Variants in DPP6 observed in about 807,000 individuals in gnomAD.
DPP6 encodes the protein A-type potassium channel modulatory protein DPP6.
In DPP6, 69 loss-of-function variants were observed where a neutral mutation model predicts 122.6. The ratio of observed to expected loss-of-function variants is 0.56; its 90% CI spans 0.46 to 0.69. The LOEUF is 0.69. Among genes scored for constraint, DPP6 ranks in the 30% least tolerant of loss-of-function variants. The pLI is 0.00. For missense variants in DPP6, 928 were observed against 1,116.9 expected (o/e 0.83, Z 2.41); for synonymous variants, 418 against 433.1 (o/e 0.97, Z 0.43).
At chr7:154,671,710 C>T (rs1838567138) in intron 7 of DPP6, among the ~76,000 whole-genome samples, 1 of 152,174 alleles carries the variant, frequency 6.6e-6, no homozygotes, top group Non-Finnish European at 1.5e-5. Context: ...GAACAACTGA[C>T]CTTCACTCAT....
chr7:154,178,108 G>A (rs746028461), intron 1 of DPP6, among the ~76,000 whole-genome samples: 16 of 152,116 alleles, frequency 1.1e-4, no homozygotes, highest in East Asian at 1.9e-4. Context: ...CAGGGGAGTC[G>A]GTTGTAAGTT....
chr7:153,884,769 C>G (rs1052510289), upstream of DPP6, among the ~76,000 whole-genome samples: 1 of 151,904 alleles, frequency 6.6e-6, no homozygotes, highest in African/African-American at 2.4e-5. Flanking sequence ...CCTCTGAGGT[C>G]AGGAGTTTGG....
chr7:154,727,596 T>A (rs1842125679), intron 7 of DPP6, among the ~76,000 whole-genome samples, 171 bp from the exon 8 acceptor site: 1 of 152,232 alleles, frequency 6.6e-6, no homozygotes, highest in African/African-American at 2.4e-5. Context: ...CTTACAGGTA[T>A]ATTCTGTTCG....
At chr7:154,500,635 T>C (rs541741328) in intron 3 of DPP6, among the ~76,000 whole-genome samples, 1 of 152,278 alleles carries the variant, frequency 6.6e-6, no homozygotes, top group African/African-American at 2.4e-5. Flanking sequence ...GAGACATGCC[T>C]TTTACCTTCC....
intron 7 of DPP6, among the ~76,000 whole-genome samples, chr7:154,680,561 T>C (rs962995193): frequency 6.6e-6 from 1 of 152,206 alleles, no homozygotes; most frequent in Non-Finnish European, 1.5e-5. Flanking sequence ...ATAAGCCATT[T>C]GGTATGTTGG....
intron 1 of DPP6, among the ~76,000 whole-genome samples, chr7:154,176,984 C>A (rs1001917944): frequency 6.6e-6 from 1 of 152,062 alleles, no homozygotes; most frequent in Non-Finnish European, 1.5e-5. Context: ...CAGGCACACA[C>A]CACCACACCT....
rs545454587 is a variant in DPP6, at chr7:154,557,765, G to C, written c.553-9077G>C. 3.9e-5 allele frequency among the ~76,000 whole-genome samples: 6 copies of C among 152,070 alleles called. No individual in the cohort carries two copies. The South Asian group carries it at 1.3e-3, about 32-fold the overall frequency. ...CCCGTGGGCTTTCTGCGTGAATGCTGTACTGCAGCACGAAGGGGAAAAATT... is the reference window on the plus strand; with the variant it reads ...CCCGTGGGCTTTCTGCGTGAATGCTCTACTGCAGCACGAAGGGGAAAAATT... On this transcript the variant is annotated intron_variant, in intron 4 of 25. Transcript: ENST00000377770.
rs28523807 is a variant in DPP6, at chr7:154,241,550, A to G, written c.243+188487A>G. On this transcript the variant is annotated intron_variant, in intron 1 of 25. Transcript: ENST00000377770. This position sits in a 1 kb window ranked among gnomAD's most constrained non-coding sequence, Gnocchi z 9.0. ...ACTGCAGCCTGAGTAACAAAGTGAG[A>G]CCCTGTCTCAAAACAAAACAAAAAA... Among the ~76,000 whole-genome samples the G allele has an allele frequency of 0.09, 13,699 of 151,844 alleles. 1,320 individuals are homozygous for G. Among genetic ancestry groups the G allele is most frequent in the African/African-American group, 0.24 (9,998 of 41,300 alleles).
chr7:153,873,495 A>T, the DPP6 span, among the ~76,000 whole-genome samples: 1 of 152,206 alleles, frequency 6.6e-6, no homozygotes, highest in Non-Finnish European at 1.5e-5. Flanking sequence ...AGTTGCGGAG[A>T]TTTAAAAAAA....
At chr7:154,615,786 A>T (rs1237906960) in intron 5 of DPP6, among the ~76,000 whole-genome samples, 1 of 151,974 alleles carries the variant, frequency 6.6e-6, no homozygotes, top group African/African-American at 2.4e-5. Context: ...CCCCTTTCCT[A>T]CTCTTACCAT....
chr7:154,780,232 C>G (rs917713044), intron 10 of DPP6, among the ~76,000 whole-genome samples: 3 of 152,152 alleles, frequency 2.0e-5, no homozygotes, highest in African/African-American at 7.2e-5. Flanking sequence ...TACTGATGTG[C>G]TGAAAAGGAA....
the DPP6 span, among the ~76,000 whole-genome samples, chr7:153,866,808 T>C: frequency 2.6e-5 from 4 of 152,160 alleles, no homozygotes; most frequent in African/African-American, 9.7e-5. Flanking sequence ...CTTTAATCCA[T>C]CTTGAATTAA....
intron 1 of DPP6, among the ~76,000 whole-genome samples, chr7:154,176,169 G>A (rs1036191250): frequency 6.6e-6 from 1 of 152,238 alleles, no homozygotes; most frequent in South Asian, 2.1e-4. Flanking sequence ...TTGAGTAAAA[G>A]TGTGGATTCT....
chr7:154,567,003 T>G, intron 5 of DPP6, 87 bp downstream of exon 5: 1 of 961,122 alleles, frequency 1.0e-6, no homozygotes, highest in South Asian at 1.6e-5. Flanking sequence ...CTTCTATACT[T>G]AGTGATCTTT....
At chr7:154,341,000 A>C (rs1250555684) in intron 1 of DPP6, among the ~76,000 whole-genome samples, 1 of 152,204 alleles carries the variant, frequency 6.6e-6, no homozygotes, top group Non-Finnish European at 1.5e-5. Context: ...TAAATATATA[A>C]ATTGAATTAT....
intron 5 of DPP6, among the ~76,000 whole-genome samples, chr7:154,570,336 T>C (rs966400578): frequency 1.9e-4 from 29 of 152,146 alleles, no homozygotes; most frequent in African/African-American, 6.3e-4. Context: ...TGCAATGTTA[T>C]ATCATTTCCC....
intron 5 of DPP6, among the ~76,000 whole-genome samples, chr7:154,597,610 A>C (rs75902451): frequency 4.1e-5 from 1 of 24,104 alleles, no homozygotes; most frequent in Admixed American, 4.6e-4. Context: ...GAGACTCCAT[A>C]AAAAAAAAAA....
At chr7:154,428,768 T>C (rs942707820) in intron 1 of DPP6, among the ~76,000 whole-genome samples, 2 of 152,196 alleles carry the variant, frequency 1.3e-5, no homozygotes, top group Admixed American at 1.3e-4. Context: ...AATATTGTTA[T>C]GTTCTCACTT....
At chr7:153,960,085 G>A (rs1326867416) in intron 1 of DPP6, among the ~76,000 whole-genome samples, 2 of 151,438 alleles carry the variant, frequency 1.3e-5, no homozygotes, top group Admixed American at 6.6e-5. Flanking sequence ...CAAATGAGGT[G>A]TGTGATCAAA....
Sources: allele counts gnomAD v4.1 joint callset (sites outside exome capture counted in the v4.1 genomes callset), GRCh38; gene constraint gnomAD v4.1.1; non-coding constraint Gnocchi (gnomAD v3.1); transcripts MANE v1.5; gene names NCBI Gene and HGNC (gene_info 2026-07-23, HGNC 2026-07-21).